The following LMOD1 variants were observed in gnomAD, a reference collection of about 807,000 sequenced individuals.
LMOD1 encodes leiomodin 1, also known as leiomodin-1.
LMOD1 carries 8 observed loss-of-function variants against 36.5 expected under a neutral mutation model. The observed-to-expected ratio is 0.22, with a 90% CI of 0.13 to 0.40. LMOD1 has a LOEUF of 0.40. Among genes scored for constraint, LMOD1 ranks in the 10% least tolerant of loss-of-function variants. The probability of loss-of-function intolerance (pLI) is 1.00; values close to 1 mark genes in which losing one functional copy is unlikely to be tolerated. For synonymous variants in LMOD1, 284 were observed against 288.7 expected (o/e 0.98, Z 0.17); for missense variants, 630 against 751.1 (o/e 0.84, Z 1.88).
Position 201,941,642 on chromosome 1 carries a change from C to T in LMOD1, c.261+4438G>A, listed in dbSNP as rs1013513924. ...CGCCGGCCTCGGGCCTTCCCGGCCC[C>T]GTAGAGATACCATGGACACTGAGCT... On this transcript the variant is annotated intron_variant, in intron 1 of 2. Transcript: ENST00000367288. Among the ~76,000 whole-genome samples the T allele has an allele frequency of 5.3e-5, 8 of 152,208 alleles. No homozygotes were observed. In the South Asian group the frequency reaches 6.2e-4, roughly 12 times the overall value.
At position 201,899,382 on chromosome 1, in the gene LMOD1, G is replaced by C. The variant is rs202184893; in HGVS notation, c.1631C>G (p.Pro544Arg). The C allele has an allele frequency of 6.2e-7, 1 of 1,613,014 alleles. No homozygotes were observed. Among genetic ancestry groups the C allele is most frequent in the Non-Finnish European group, 8.5e-7 (1 of 1,179,450 alleles). Residue 544 changes from proline (P) to arginine (R), a missense_variant, in exon 2 of 3, where the codon CCC becomes CGC. By Grantham distance (103) the Pro-to-Arg change is moderately radical. Around this residue, in one of 3 missense-constraint regions of LMOD1, gnomAD observed 144 missense variants for 169.8 expected, o/e 0.85. Coordinates refer to ENST00000367288, the MANE Select transcript of LMOD1 (RefSeq NM_012134.3). This position sits in a 1 kb window ranked among gnomAD's most constrained non-coding sequence, Gnocchi z 6.3. Reference protein sequence around the residue: ...PPPPPPPLAPPLIMENLKNSL... With the variant: ...PPPPPPPLAPRLIMENLKNSL... Reference sequence around the variant, plus strand: ...ATTCTTCAGGTTCTCCATGATAAGGGGTGGAGCCAAGGGAGGGGGAGGGGG... The same window carrying C: ...ATTCTTCAGGTTCTCCATGATAAGGCGTGGAGCCAAGGGAGGGGGAGGGGG...
chr1:201,913,188 GAAA>G (rs1228641766), intron 1 of LMOD1, among the ~76,000 whole-genome samples: 11 of 152,178 alleles, frequency 7.2e-5, no homozygotes, highest in African/African-American at 2.7e-4. Flanking sequence ...TGAGCAGCTG[GAAA>G]GAAGTTGAGT....
Position 201,946,532 on chromosome 1 carries a change from G to T in LMOD1, c.-192C>A. 3.3e-6 allele frequency: 2 copies of T among 606,320 alleles called. No individual in the cohort carries two copies. The highest frequency in any genetic ancestry group is 5.7e-6 in the Non-Finnish European group (2 of 349,234). The allele number at this position is 606,320 out of a possible 1,614,324, so 37.6% of individuals were successfully genotyped here. A position where few individuals can be genotyped will look rare whatever the true frequency, so the allele number is the denominator to read the frequency against. On this transcript the variant is annotated 5_prime_UTR_variant, in exon 1 of 3. Coordinates refer to ENST00000367288, the MANE Select transcript of LMOD1 (RefSeq NM_012134.3). ...CACTGGACGCAGCAGCCTCCCTGAA[G>T]CCCAGGGCTAGTGGACCCCGGCTGG... is the stretch of plus-strand genomic sequence containing the variant.
At chr1:201,905,688 C>A (rs1681400117) in intron 1 of LMOD1, among the ~76,000 whole-genome samples, 1 of 152,206 alleles carries the variant, frequency 6.6e-6, no homozygotes, top group Admixed American at 6.5e-5. Context: ...GAGGAGGAGG[C>A]ATCTCCCTCT....
intron 1 of LMOD1, among the ~76,000 whole-genome samples, chr1:201,909,589 C>G (rs557891435): frequency 2.4e-4 from 36 of 151,276 alleles, no homozygotes; most frequent in Non-Finnish European, 1.5e-5. Flanking sequence ...CCCTGGTCGC[C>G]AGTCCACCTG....
intron 1 of LMOD1, among the ~76,000 whole-genome samples, chr1:201,923,912 A>G (rs200078894): frequency 1.9e-4 from 28 of 147,122 alleles, no homozygotes; most frequent in Middle Eastern, 3.4e-3. Context: ...AGGGAGGGAG[A>G]GAGAGAGAGA....
intron 1 of LMOD1, among the ~76,000 whole-genome samples, chr1:201,918,634 G>A (rs556418552): frequency 3.1e-4 from 47 of 152,236 alleles, no homozygotes; most frequent in South Asian, 4.1e-4. Context: ...ATGTCCTCTC[G>A]CTTTCTTCTC....
intron 1 of LMOD1, among the ~76,000 whole-genome samples, chr1:201,906,257 G>T (rs1434260281): frequency 6.6e-6 from 1 of 152,124 alleles, no homozygotes; most frequent in Non-Finnish European, 1.5e-5. Flanking sequence ...ATATTTACCA[G>T]GAAAGCCCCA....
rs1681274178 is a variant in LMOD1 at position 201,900,232 on chromosome 1, T to A, written c.781A>T (p.Asn261Tyr). ...EDEKVKRGTG[N>Y]TDTKKDDEKV... ...TCATCGTCCTTTTTGGTGTCTGTGT[T>A]CCCAGTTCCTCTTTTTACCTTCTCA... Residue 261 changes from asparagine (N) to tyrosine (Y), a missense_variant, in exon 2 of 3, where the codon AAC becomes TAC. This residue lies in a region of LMOD1 where 405 missense variants were observed against 400.6 expected (regional missense o/e 1.01). Transcript: ENST00000367288. The A allele has an allele frequency of 5.0e-6, 8 of 1,613,808 alleles. No individual in the cohort carries two copies. In the Admixed American group the frequency reaches 1.3e-4, roughly 27 times the overall value.
intron 1 of LMOD1, among the ~76,000 whole-genome samples, chr1:201,924,703 A>C (rs151108335): frequency 7.7e-6 from 1 of 130,072 alleles, no homozygotes; most frequent in Admixed American, 8.2e-5. Flanking sequence ...GAAAGAAAGA[A>C]AGAAAGAAAG....
intron 1 of LMOD1, among the ~76,000 whole-genome samples, chr1:201,910,885 G>A (rs1380502714): frequency 6.7e-6 from 1 of 149,774 alleles, no homozygotes; most frequent in Non-Finnish European, 1.5e-5. Flanking sequence ...CTCCCGAATA[G>A]CTGGGATTAC....
chr1:201,907,101 C>T (rs185070621), intron 1 of LMOD1, among the ~76,000 whole-genome samples: 141 of 152,340 alleles, frequency 9.3e-4, no homozygotes, highest in African/African-American at 3.1e-3. Context: ...GTTCCCTTTA[C>T]GGCTGCCAGG....
chr1:201,914,299 C>T (rs1273399146), intron 1 of LMOD1, among the ~76,000 whole-genome samples: 1 of 152,224 alleles, frequency 6.6e-6, no homozygotes, highest in African/African-American at 2.4e-5. Context: ...CTAACACTCA[C>T]AAGTGGCGCC....
At chr1:201,933,888 A>G (rs1681971323) in intron 1 of LMOD1, among the ~76,000 whole-genome samples, 1 of 152,208 alleles carries the variant, frequency 6.6e-6, no homozygotes. Flanking sequence ...GCTTAGAAAT[A>G]TTAAATGCTT....
chr1:201,916,867 TA>T (rs1558238062), intron 1 of LMOD1, among the ~76,000 whole-genome samples: 1 of 152,140 alleles, frequency 6.6e-6, no homozygotes, highest in Non-Finnish European at 1.5e-5. Context: ...AGCTCCAGCA[TA>T]AACAGAAACG....
chr1:201,901,514 ATATATATAT>A (rs1681301512), intron 1 of LMOD1, among the ~76,000 whole-genome samples: 1 of 38,860 alleles, frequency 2.6e-5, no homozygotes, highest in East Asian at 6.2e-4. Context: ...AAAAAAAAAT[ATATATATAT>A]ATATATGTAT....
chr1:201,901,647 T>TACAC (rs1241425275), intron 1 of LMOD1, among the ~76,000 whole-genome samples: 1 of 68,116 alleles, frequency 1.5e-5, no homozygotes, highest in African/African-American at 7.9e-5. Flanking sequence ...TATATATATA[T>TACAC]ACATATATAT....
intron 1 of LMOD1, among the ~76,000 whole-genome samples, chr1:201,916,712 C>T (rs2102917658): frequency 6.6e-6 from 1 of 152,272 alleles, no homozygotes. Context: ...CGTCACTGTG[C>T]TCAGTCTTCA....
chr1:201,925,413 G>A (rs975185844), intron 1 of LMOD1, among the ~76,000 whole-genome samples: 12 of 152,096 alleles, frequency 7.9e-5, no homozygotes, highest in African/African-American at 1.9e-4. Flanking sequence ...CTTTTATTGC[G>A]CATGGATGAG....
Sources: allele counts gnomAD v4.1 joint callset (sites outside exome capture counted in the v4.1 genomes callset), GRCh38; gene constraint gnomAD v4.1.1; regional missense constraint gnomAD v4.1.1; non-coding constraint Gnocchi (gnomAD v3.1); transcripts MANE v1.5; gene names NCBI Gene and HGNC (gene_info 2026-07-23, HGNC 2026-07-21).